NAALAD2: variants seen among roughly 807,000 people sequenced by gnomAD.
NAALAD2 encodes the protein N-acetylated alpha-linked acidic dipeptidase 2, also known as N-acetylated-alpha-linked acidic dipeptidase 2.
A neutral mutation model predicts 95.6 loss-of-function variants in NAALAD2; 89 were observed. The observed-to-expected ratio is 0.93, with a 90% CI of 0.78 to 1.11. The LOEUF (loss-of-function observed/expected upper bound fraction) is 1.11, where lower values mean the gene tolerates loss of function less well. NAALAD2 is among the 50% of genes least tolerant of loss of function. NAALAD2 has a pLI of 0.00. For missense variants in NAALAD2, 894 were observed against 872.4 expected, an observed-to-expected ratio of 1.02 and a Z score of -0.31; for synonymous variants, 264 against 294.4, an observed-to-expected ratio of 0.90 and a Z score of 1.06.
At chr11:90,189,918 A>T (rs1857273498) in intron 18 of NAALAD2, among the ~76,000 whole-genome samples, 1 of 152,128 alleles carries the variant, frequency 6.6e-6, no homozygotes, top group Non-Finnish European at 1.5e-5. Flanking sequence ...AAAATTCAGA[A>T]ATGTCCATTG....
At chr11:90,155,355 CATGTATA>C (rs1209806071) in intron 6 of NAALAD2, among the ~76,000 whole-genome samples, 1 of 87,762 alleles carries the variant, frequency 1.1e-5, no homozygotes, top group South Asian at 3.5e-4. Flanking sequence ...TTATATATTA[CATGTATA>C]ATATGTAATA....
intron 3 of NAALAD2, 99 bp downstream of exon 3, chr11:90,147,615 A>C: frequency 1.9e-6 from 2 of 1,079,014 alleles, no homozygotes; most frequent in Non-Finnish European, 2.7e-6. Context: ...GTTAATAGTG[A>C]ATTATTCAGT....
chr11:90,163,487 A>T, intron 10 of NAALAD2, 48 bp from the exon 11 acceptor site: 1 of 1,612,984 alleles, frequency 6.2e-7, no homozygotes, highest in East Asian at 2.2e-5. Flanking sequence ...ATTTTCTTTT[A>T]TTTTTTAGGC....
At chr11:90,165,828 C>G (rs1441270685) in intron 11 of NAALAD2, among the ~76,000 whole-genome samples, 1 of 152,090 alleles carries the variant, frequency 6.6e-6, no homozygotes, top group Non-Finnish European at 1.5e-5. Context: ...TATATAAACA[C>G]ATATAAACAC....
intron 8 of NAALAD2, among the ~76,000 whole-genome samples, chr11:90,160,919 G>C (rs1590990136): frequency 6.6e-6 from 1 of 152,158 alleles, no homozygotes; most frequent in East Asian, 1.9e-4. Context: ...CAGAGATCTT[G>C]AAAATCCATT....
At chr11:90,142,750 C>A (rs957483217) in intron 2 of NAALAD2, among the ~76,000 whole-genome samples, 1 of 151,994 alleles carries the variant, frequency 6.6e-6, no homozygotes, top group African/African-American at 2.4e-5. Context: ...AAGTCTGCCA[C>A]TTTTTGGTTT....
At chr11:90,145,748 A>G (rs1247055426) in intron 2 of NAALAD2, among the ~76,000 whole-genome samples, 1 of 152,170 alleles carries the variant, frequency 6.6e-6, no homozygotes, top group Non-Finnish European at 1.5e-5. Flanking sequence ...TAGATGGGAC[A>G]ATATTTTTGG....
At chr11:90,142,147 A>T (rs906310057) in intron 2 of NAALAD2, among the ~76,000 whole-genome samples, 1 of 152,120 alleles carries the variant, frequency 6.6e-6, no homozygotes, top group African/African-American at 2.4e-5. Flanking sequence ...CTTTTTCTGT[A>T]TCAATTAATA....
At chr11:90,177,569 T>C (rs1435428867) in intron 15 of NAALAD2, among the ~76,000 whole-genome samples, 2 of 144,524 alleles carry the variant, frequency 1.4e-5, no homozygotes, top group Non-Finnish European at 3.0e-5. Flanking sequence ...TATATGGTTG[T>C]ATTTTTTCTT....
intron 18 of NAALAD2, among the ~76,000 whole-genome samples, chr11:90,190,833 C>T (rs74597274): frequency 0.039 from 5,918 of 152,128 alleles, 163 homozygotes; most frequent in Non-Finnish European, 0.057. Flanking sequence ...TACAGATTTA[C>T]TCTAGAATAA....
chr11:90,191,244 G>A (rs965203921), intron 18 of NAALAD2, among the ~76,000 whole-genome samples: 2 of 151,844 alleles, frequency 1.3e-5, no homozygotes, highest in African/African-American at 4.8e-5. Context: ...AAACTTACAT[G>A]TTATCACCAT....
At chr11:90,191,068 T>A (rs2135005936) in intron 18 of NAALAD2, among the ~76,000 whole-genome samples, 1 of 152,264 alleles carries the variant, frequency 6.6e-6, no homozygotes, top group Middle Eastern at 3.4e-3. Flanking sequence ...ATGGACGTCA[T>A]TATCCTTGCC....
intron 13 of NAALAD2, among the ~76,000 whole-genome samples, chr11:90,170,748 C>T (rs1039924843): frequency 1.2e-4 from 19 of 152,176 alleles, no homozygotes; most frequent in African/African-American, 4.6e-4. Context: ...GATGTTTGGA[C>T]TGTCAAATGA....
chr11:90,152,526 C>T (rs372472392), intron 6 of NAALAD2, 42 bp downstream of exon 6: 16 of 1,477,734 alleles, frequency 1.1e-5, no homozygotes, highest in Non-Finnish European at 1.3e-5. Context: ...TGCAAAAATA[C>T]TCCTTGCCCT....
At chr11:90,135,453 G>A in intron 1 of NAALAD2, 106 bp from the exon 2 acceptor site, 1 of 605,102 alleles carries the variant, frequency 1.7e-6, no homozygotes, top group Non-Finnish European at 2.7e-6. Context: ...CTACTTGTCA[G>A]ATAAAGGCTT....
At chr11:90,131,708 C>A (rs1951355196), upstream of NAALAD2, 1 of 152,048 alleles carries the variant, frequency 6.6e-6, no homozygotes, top group African/African-American at 2.4e-5. Flanking sequence ...ATTGCCATAA[C>A]CTGTTTGAAG....
rs116736709 is a variant in NAALAD2 at position 90,159,452 on chromosome 11, A to G, written c.989+115A>G. ...TTATCTCTTTTTCTCTTTCTAAACA[A>G]CCATTTTACATTACTTAAGAAGTAC... On this transcript the variant is annotated intron_variant, in intron 8 of 18. Transcript: ENST00000534061. 1.2e-3 allele frequency: 823 copies of G among 673,274 alleles called. 2 individuals are homozygous for G. In the African/African-American group the frequency reaches 0.013, roughly 11 times the overall value. 41.7% of individuals were successfully genotyped at this position (673,274 alleles called of 1,614,324 possible).
chr11:90,178,420 C>A (rs1435548680), intron 16 of NAALAD2, among the ~76,000 whole-genome samples: 1 of 152,080 alleles, frequency 6.6e-6, no homozygotes, highest in African/African-American at 2.4e-5. Flanking sequence ...GCCTGTAATC[C>A]CAGCACTTTG....
chr11:90,158,493 T>G, intron 7 of NAALAD2: 1 of 327,932 alleles, frequency 3.0e-6, no homozygotes, highest in Non-Finnish European at 5.5e-6. Flanking sequence ...CCTAAGATAA[T>G]TCTGATTTGA....
Sources: gnomAD v4.1 joint callset for allele counts (sites outside exome capture counted in the v4.1 genomes callset) on GRCh38, gnomAD v4.1.1 for gene constraint, MANE v1.5 for transcripts, NCBI Gene and HGNC (gene_info 2026-07-23, HGNC 2026-07-21) for gene names.